TLCD4: variants seen among roughly 807,000 people sequenced by gnomAD.
TLCD4 encodes TLC domain-containing protein 4.
Under a neutral mutation model 24.2 loss-of-function variants are expected in TLCD4, and 7 were observed. That is an observed-to-expected ratio of 0.29 (90% CI 0.16 to 0.54). The LOEUF is 0.54. Ranked by LOEUF, TLCD4 falls within the 20% of genes least tolerant of loss-of-function variation. The pLI, the probability that TLCD4 is intolerant of heterozygous loss-of-function variation, is 0.95. For synonymous variants in TLCD4, 103 were observed against 106.4 expected (o/e 0.97, Z 0.20); for missense variants, 259 against 313.9 (o/e 0.82, Z 1.32).
the TLCD4 span, among the ~76,000 whole-genome samples, chr1:95,112,225 C>A: frequency 6.6e-6 from 1 of 152,042 alleles, no homozygotes; most frequent in African/African-American, 2.4e-5. Flanking sequence ...ACCTTCTCCT[C>A]CTTCTGCCCC....
At chr1:95,100,577 A>G in the TLCD4 span, among the ~76,000 whole-genome samples, 2 of 152,180 alleles carry the variant, frequency 1.3e-5, no homozygotes, top group South Asian at 4.1e-4. Flanking sequence ...TCTGTCTCAA[A>G]AAATAATAAT....
chr1:95,136,899 G>T (rs1228185582), intron 1 of TLCD4, among the ~76,000 whole-genome samples: 4 of 152,148 alleles, frequency 2.6e-5, no homozygotes, highest in African/African-American at 7.2e-5. Context: ...ACAGAGAAGG[G>T]CTGGTTGGGG....
chr1:95,110,151 A>G, the TLCD4 span, among the ~76,000 whole-genome samples: 2 of 151,268 alleles, frequency 1.3e-5, 1 homozygote, highest in South Asian at 4.2e-4. Context: ...CACTTGATTT[A>G]TAGGTATAAA....
chr1:95,114,784 C>T (rs1202117773), upstream of TLCD4, among the ~76,000 whole-genome samples: 1 of 151,742 alleles, frequency 6.6e-6, no homozygotes, highest in Non-Finnish European at 1.5e-5. Flanking sequence ...CGAGATGGCA[C>T]CACTGCACTC....
chr1:95,168,103 A>C (rs1678083823), intron 5 of TLCD4, among the ~76,000 whole-genome samples: 1 of 152,214 alleles, frequency 6.6e-6, no homozygotes, highest in African/African-American at 2.4e-5. Context: ...AGTGATGAGG[A>C]CAATGATGGT....
chr1:95,116,422 A>T (rs761697508), upstream of TLCD4, among the ~76,000 whole-genome samples: 37 of 152,180 alleles, frequency 2.4e-4, no homozygotes, highest in Admixed American at 1.7e-3. Flanking sequence ...CTTTCTGCGC[A>T]TGTATATAGT....
At chr1:95,112,590 C>A (rs190935873), upstream of TLCD4, among the ~76,000 whole-genome samples, 17 of 152,210 alleles carry the variant, frequency 1.1e-4, no homozygotes, top group East Asian at 3.3e-3. Flanking sequence ...ATTTCAATGG[C>A]AACACTGGAA....
chr1:95,140,000 A>G (rs2391630), intron 1 of TLCD4, among the ~76,000 whole-genome samples: 149,285 of 152,230 alleles, frequency 0.98, 73,261 homozygotes, highest in East Asian at 1. Flanking sequence ...GTCTTCAGGG[A>G]TAATAACACA....
chr1:95,136,251 T>A (rs1677038586), intron 1 of TLCD4, among the ~76,000 whole-genome samples: 1 of 152,170 alleles, frequency 6.6e-6, no homozygotes, highest in South Asian at 2.1e-4. Flanking sequence ...TTTGTTTTTT[T>A]TTGTGTGTGT....
chr1:95,188,892 A>G (rs892813740), intron 6 of TLCD4, among the ~76,000 whole-genome samples: 2 of 152,170 alleles, frequency 1.3e-5, no homozygotes, highest in African/African-American at 2.4e-5. Flanking sequence ...GATGCCATGT[A>G]TGCTCATTGT....
chr1:95,187,478 C>T (rs1349817389), intron 6 of TLCD4, among the ~76,000 whole-genome samples: 1 of 151,754 alleles, frequency 6.6e-6, no homozygotes, highest in Non-Finnish European at 1.5e-5. Flanking sequence ...GTAGACTGTC[C>T]CTCAATTTGG....
rs1679097649 is a variant in TLCD4, at chr1:95,193,662, A to C, written c.*1794A>C. ...AACATTTAAAGAAGATTGAAATCTCAGTCAGTAACTAAATGATAAAATGAG... is the reference window on the plus strand; with the variant it reads ...AACATTTAAAGAAGATTGAAATCTCCGTCAGTAACTAAATGATAAAATGAG... On this transcript the variant is annotated 3_prime_UTR_variant, in exon 7 of 7. Coordinates refer to ENST00000370203, the MANE Select transcript of TLCD4 (RefSeq NM_152487.3). 6.6e-6 allele frequency: 1 copy of C among 152,134 alleles called. No individual in the cohort carries two copies. Among genetic ancestry groups the C allele is most frequent in the African/African-American group, 2.4e-5 (1 of 41,466 alleles). 9.4% of individuals were successfully genotyped at this position (152,134 alleles called of 1,614,324 possible).
At chr1:95,096,957 A>G in the TLCD4 span, among the ~76,000 whole-genome samples, 6,771 of 152,260 alleles carry the variant, frequency 0.044, 294 homozygotes, top group Admixed American at 0.057. Flanking sequence ...CACATTTTAA[A>G]AAAGTATTTT....
intron 4 of TLCD4, 120 bp downstream of exon 4, chr1:95,150,386 GA>G: frequency 1.2e-5 from 15 of 1,245,996 alleles, no homozygotes; most frequent in South Asian, 3.3e-5. Flanking sequence ...GCATACAGAG[GA>G]AAAAAATACC....
chr1:95,125,029 T>C (rs1431406111), intron 1 of TLCD4, among the ~76,000 whole-genome samples: 1 of 152,192 alleles, frequency 6.6e-6, no homozygotes, highest in East Asian at 1.9e-4. Flanking sequence ...CATCAGGGCT[T>C]AGAGGTCTAC....
chr1:95,152,392 T>C (rs1278637314), intron 5 of TLCD4, among the ~76,000 whole-genome samples: 1 of 152,066 alleles, frequency 6.6e-6, no homozygotes, highest in Non-Finnish European at 1.5e-5. Context: ...TTATCACTTA[T>C]GCAATAATGA....
At chr1:95,127,881 C>T (rs527718015) in intron 1 of TLCD4, among the ~76,000 whole-genome samples, 174 of 152,312 alleles carry the variant, frequency 1.1e-3, no homozygotes, top group African/African-American at 4.1e-3. Context: ...CTATTGTCTC[C>T]TGGCTGAAGG....
At chr1:95,163,113 A>T (rs1677882735) in intron 5 of TLCD4, 1 of 152,106 alleles carries the variant, frequency 6.6e-6, no homozygotes, top group Non-Finnish European at 1.5e-5. Flanking sequence ...ACTTGGTTCC[A>T]TTCTCCCCAT....
chr1:95,183,792 C>G (rs914148638), intron 6 of TLCD4, among the ~76,000 whole-genome samples: 1 of 151,872 alleles, frequency 6.6e-6, no homozygotes, highest in Non-Finnish European at 1.5e-5. Flanking sequence ...GAGCCGAGAT[C>G]GCACCACTGC....
Sources: allele counts gnomAD v4.1 joint callset (sites outside exome capture counted in the v4.1 genomes callset), GRCh38; gene constraint gnomAD v4.1.1; transcripts MANE v1.5; gene names NCBI Gene and HGNC (gene_info 2026-07-23, HGNC 2026-07-21).